The following NR6A1 variants were observed in gnomAD, a reference collection of about 807,000 sequenced individuals.
The protein encoded by NR6A1 is retinoic acid receptor-related testis-associated receptor.
A neutral mutation model predicts 59.1 loss-of-function variants in NR6A1; 7 were observed. That is an observed-to-expected ratio of 0.12 (90% CI 0.07 to 0.22). NR6A1 has a LOEUF of 0.22. NR6A1 is among the 10% of genes least tolerant of loss of function. The pLI is 1.00. For synonymous variants in NR6A1, 243 were observed against 236.1 expected (o/e 1.03, Z -0.27); for missense variants, 468 against 611.6 (o/e 0.77, Z 2.48).
intron 2 of NR6A1, among the ~76,000 whole-genome samples, chr9:124,572,901 G>A (rs958120263): frequency 3.9e-5 from 6 of 152,168 alleles, no homozygotes; most frequent in Non-Finnish European, 7.3e-5. Context: ...ACCAAAAAAT[G>A]AGCATCAAAA....
intron 3 of NR6A1, among the ~76,000 whole-genome samples, chr9:124,554,095 C>A (rs1185480945): frequency 6.6e-6 from 1 of 152,140 alleles, no homozygotes; most frequent in Admixed American, 6.5e-5. Flanking sequence ...TAAGTGGGTT[C>A]TTGGTCACAC....
At chr9:124,737,282 C>G (rs1003236746) in intron 1 of NR6A1, among the ~76,000 whole-genome samples, 3 of 152,312 alleles carry the variant, frequency 2.0e-5, no homozygotes, top group South Asian at 4.2e-4. Flanking sequence ...ATTATGTTGT[C>G]TCTGGATTTA....
At chr9:124,719,477 T>A (rs1169844852) in intron 2 of NR6A1, among the ~76,000 whole-genome samples, 2 of 152,196 alleles carry the variant, frequency 1.3e-5, no homozygotes, top group Non-Finnish European at 2.9e-5. Context: ...TTTTAAGAGT[T>A]CCCATTTTCC....
intron 2 of NR6A1, among the ~76,000 whole-genome samples, chr9:124,669,296 T>C (rs1264862832): frequency 1.3e-5 from 2 of 152,270 alleles, no homozygotes; most frequent in African/African-American, 2.4e-5. Context: ...TATGGATATA[T>C]ACTTTGGTTT....
chr9:124,743,541 T>A (rs187202203), intron 1 of NR6A1, among the ~76,000 whole-genome samples: 6 of 152,366 alleles, frequency 3.9e-5, no homozygotes, highest in Admixed American at 2.0e-4. Context: ...TATATTTCTA[T>A]GGAAACATTA....
chr9:124,645,245 A>G (rs1313812802), intron 2 of NR6A1, among the ~76,000 whole-genome samples: 1 of 152,240 alleles, frequency 6.6e-6, no homozygotes, highest in Non-Finnish European at 1.5e-5. Context: ...AGAAAAAGAG[A>G]ACAAGGACAA....
chr9:124,550,970 G>A (rs1344350188), intron 3 of NR6A1, among the ~76,000 whole-genome samples: 1 of 152,108 alleles, frequency 6.6e-6, no homozygotes, highest in Non-Finnish European at 1.5e-5. Context: ...TACAGTTATT[G>A]TTCCTCAAGT....
chr9:124,535,023 C>T (rs1363271523), intron 7 of NR6A1, among the ~76,000 whole-genome samples: 2 of 152,044 alleles, frequency 1.3e-5, no homozygotes, highest in African/African-American at 4.8e-5. Flanking sequence ...ACTTGGGTGG[C>T]TGAGGCAGGG....
At chr9:124,728,384 C>G (rs1839787010) in intron 2 of NR6A1, among the ~76,000 whole-genome samples, 1 of 151,808 alleles carries the variant, frequency 6.6e-6, no homozygotes. Flanking sequence ...GCCTGTAATC[C>G]AAGCACTTTG....
intron 2 of NR6A1, among the ~76,000 whole-genome samples, chr9:124,570,959 T>C (rs1035239565): frequency 6.6e-6 from 1 of 152,298 alleles, no homozygotes; most frequent in East Asian, 1.9e-4. Flanking sequence ...GAATAAATAT[T>C]TGAGAGCCCC....
At chr9:124,709,946 GAAA>G (rs756286252) in intron 2 of NR6A1, among the ~76,000 whole-genome samples, 4 of 105,526 alleles carry the variant, frequency 3.8e-5, no homozygotes, top group Non-Finnish European at 6.0e-5. Flanking sequence ...ATTCCATCTC[GAAA>G]AAAAAAAAAA....
chr9:124,685,487 C>T (rs183121667), intron 2 of NR6A1, among the ~76,000 whole-genome samples: 11 of 152,298 alleles, frequency 7.2e-5, no homozygotes, highest in Non-Finnish European at 1.6e-4. Context: ...CATCACAATG[C>T]CGGGCTAATT....
intron 2 of NR6A1, among the ~76,000 whole-genome samples, chr9:124,614,255 A>G (rs866881119): frequency 9.9e-5 from 15 of 152,262 alleles, no homozygotes; most frequent in Middle Eastern, 3.4e-3. Context: ...CTGAGGACTG[A>G]TCAGTGCACA....
chr9:124,653,425 GTTT>G (rs1272777964), intron 2 of NR6A1, among the ~76,000 whole-genome samples: 1 of 152,072 alleles, frequency 6.6e-6, no homozygotes, highest in East Asian at 1.9e-4. Flanking sequence ...TTTTGTTGTT[GTTT>G]TTTAAGAGAC....
chr9:124,624,425 C>A (rs918401748), intron 2 of NR6A1, among the ~76,000 whole-genome samples: 1 of 152,192 alleles, frequency 6.6e-6, no homozygotes, highest in African/African-American at 2.4e-5. Flanking sequence ...TGAAAAGACA[C>A]CTTTTCTATT....
intron 2 of NR6A1, among the ~76,000 whole-genome samples, chr9:124,596,629 G>A (rs1835279921): frequency 6.6e-6 from 1 of 152,158 alleles, no homozygotes. Context: ...TAAGCTTCTT[G>A]CTTCATTCCC....
intron 2 of NR6A1, among the ~76,000 whole-genome samples, chr9:124,726,225 T>C (rs184718248): frequency 3.0e-4 from 45 of 152,270 alleles, no homozygotes; most frequent in African/African-American, 1.1e-3. Context: ...ATGTCCTTAG[T>C]GGTAGGTGAG....
intron 7 of NR6A1, among the ~76,000 whole-genome samples, chr9:124,532,030 C>G (rs1833115446): frequency 6.6e-6 from 1 of 152,192 alleles, no homozygotes; most frequent in Non-Finnish European, 1.5e-5. Context: ...GTAATTCCTC[C>G]ACTTAAAAAC....
At chr9:124,617,289 T>A (rs180799012) in intron 2 of NR6A1, among the ~76,000 whole-genome samples, 1 of 152,354 alleles carries the variant, frequency 6.6e-6, no homozygotes, top group East Asian at 1.9e-4. Flanking sequence ...GCCCTTATCC[T>A]ACATAAGGCA....
Sources: allele counts gnomAD v4.1 joint callset (sites outside exome capture counted in the v4.1 genomes callset), GRCh38; gene constraint gnomAD v4.1.1; transcripts MANE v1.5; gene names NCBI Gene and HGNC (gene_info 2026-07-23, HGNC 2026-07-21).